Variants in FAT3 observed in about 807,000 individuals in gnomAD.
FAT3 encodes the protein FAT atypical cadherin 3.
In FAT3, 95 loss-of-function variants were observed where a neutral mutation model predicts 310.2. The observed-to-expected ratio is 0.31, with a 90% CI of 0.26 to 0.36. The LOEUF (loss-of-function observed/expected upper bound fraction) is 0.36. Ranked by LOEUF, FAT3 falls within the 10% of genes least tolerant of loss-of-function variation. FAT3 has a pLI of 1.00. For synonymous variants in FAT3, 2,314 were observed against 2,192.9 expected, an observed-to-expected ratio of 1.06 and a Z score of -1.54; for missense variants, 5,408 against 5,715.6, an observed-to-expected ratio of 0.95 and a Z score of 1.74.
intron 2 of FAT3, among the ~76,000 whole-genome samples, chr11:92,482,703 T>C (rs999245704): frequency 3.9e-5 from 6 of 152,264 alleles, no homozygotes; most frequent in Middle Eastern, 6.8e-3. Flanking sequence ...ACCTCTTCCT[T>C]TGCCCTCATG....
intron 4 of FAT3, among the ~76,000 whole-genome samples, chr11:92,760,613 T>C (rs1946124178): frequency 6.6e-6 from 1 of 152,224 alleles, no homozygotes. Context: ...TTATTAACAA[T>C]GATCTGTTTT....
intron 1 of FAT3, among the ~76,000 whole-genome samples, chr11:92,347,994 T>C (rs1948460714): frequency 2.6e-5 from 4 of 152,194 alleles, no homozygotes; most frequent in Admixed American, 1.3e-4. Context: ...TGTCTTGGCA[T>C]GCTAAAAAGA....
chr11:92,398,645 C>G (rs1759722646), intron 2 of FAT3, among the ~76,000 whole-genome samples: 1 of 151,896 alleles, frequency 6.6e-6, no homozygotes, highest in Admixed American at 6.6e-5. Context: ...CTGACATATA[C>G]TTGGGTGGGG....
chr11:92,727,405 G>A (rs1346634859), intron 4 of FAT3, among the ~76,000 whole-genome samples: 1 of 151,660 alleles, frequency 6.6e-6, no homozygotes. Flanking sequence ...TTAAGTAAAA[G>A]TGACATAAAT....
At position 92,798,643 on chromosome 11, in the gene FAT3, A is replaced by G. The variant is rs1325771169; in HGVS notation, c.5630A>G (p.Asn1877Ser). 4 of 1,613,730 alleles carry G rather than the reference A, an allele frequency of 2.5e-6. No homozygotes were observed. Among genetic ancestry groups the G allele is most frequent in the Non-Finnish European group, 3.4e-6 (4 of 1,179,832 alleles). Residue 1877 changes from asparagine to serine, a missense_variant, in exon 10 of 28, where the codon AAT becomes AGT. Around this residue, in one of 5 missense-constraint regions of FAT3, gnomAD observed 4,588 missense variants for 4,809.8 expected, o/e 0.95. Coordinates refer to ENST00000525166, the MANE Select transcript of FAT3 (RefSeq NM_001367949.2). The stretch of plus-strand genomic sequence containing the variant: ...GTCAACATTGAGGTGACAGATGTGA[A>G]TGATAACCCACCTGTTTTTACTCAG... ...VEVNIEVTDV[N>S]DNPPVFTQAV...
At chr11:92,430,868 C>T (rs1207945873) in intron 2 of FAT3, among the ~76,000 whole-genome samples, 1 of 152,118 alleles carries the variant, frequency 6.6e-6, no homozygotes, top group African/African-American at 2.4e-5. Context: ...GCATAGTATT[C>T]CATGGTGTAT....
intron 2 of FAT3, among the ~76,000 whole-genome samples, chr11:92,422,168 T>A (rs1331926072): frequency 1.3e-5 from 2 of 152,136 alleles, no homozygotes; most frequent in Admixed American, 1.3e-4. Flanking sequence ...TTGGAGTACA[T>A]CTAGTTCTCC....
chr11:92,826,291 A>G (rs1948103500), intron 13 of FAT3, among the ~76,000 whole-genome samples: 1 of 152,264 alleles, frequency 6.6e-6, no homozygotes. Context: ...TAATTCTTAC[A>G]GTTTAAATAA....
intron 1 of FAT3, among the ~76,000 whole-genome samples, chr11:92,280,321 G>A (rs1413856205): frequency 6.6e-6 from 1 of 152,012 alleles, no homozygotes; most frequent in Non-Finnish European, 1.5e-5. Flanking sequence ...AGGCCTGGAT[G>A]TAGGGGTTTG....
chr11:92,570,492 G>A (rs568015424), intron 3 of FAT3, among the ~76,000 whole-genome samples: 1 of 152,026 alleles, frequency 6.6e-6, no homozygotes, highest in Non-Finnish European at 1.5e-5. Context: ...AGAGAACAGT[G>A]GAATGGGCCC....
intron 2 of FAT3, among the ~76,000 whole-genome samples, chr11:92,495,014 T>C (rs1952712913): frequency 6.6e-6 from 1 of 152,062 alleles, no homozygotes; most frequent in South Asian, 2.1e-4. Context: ...TTAGCAGATA[T>C]ACATACTGAT....
At chr11:92,648,059 G>A (rs1400394031) in intron 3 of FAT3, among the ~76,000 whole-genome samples, 1 of 152,178 alleles carries the variant, frequency 6.6e-6, no homozygotes, top group African/African-American at 2.4e-5. Context: ...CATGAGGAAA[G>A]TGGTCAAGGA....
chr11:92,248,777 T>C (rs1417082619), intron 1 of FAT3, among the ~76,000 whole-genome samples: 1 of 152,110 alleles, frequency 6.6e-6, no homozygotes, highest in Non-Finnish European at 1.5e-5. Flanking sequence ...TAGTAAGGCA[T>C]ATAGTTTCTG....
At chr11:92,234,963 T>C (rs1163185659) in intron 1 of FAT3, among the ~76,000 whole-genome samples, 2 of 151,168 alleles carry the variant, frequency 1.3e-5, no homozygotes, top group African/African-American at 2.4e-5. Context: ...CCCAGCTACT[T>C]GGGAAGCTGA....
intron 1 of FAT3, among the ~76,000 whole-genome samples, chr11:92,339,234 C>T (rs1198106087): frequency 6.6e-6 from 1 of 152,184 alleles, no homozygotes; most frequent in Non-Finnish European, 1.5e-5. Context: ...CCTATACCCA[C>T]TAGATGCCTG....
In FAT3 at chr11:92,801,693, G is replaced by T. The variant is rs376253670; in HGVS notation, c.8680G>T (p.Val2894Leu). 4.8e-5 allele frequency: 77 copies of T among 1,613,818 alleles called. No individual in the cohort carries two copies. The highest frequency in any genetic ancestry group is 1.3e-4 in the Admixed American group (8 of 59,990). ...ETDPTFTFSV[V>L]ASDLGEAFSL... ...AGACCCCACATTCACCTTCTCTGTGGTGGCCTCTGACCTTGGAGAGGCATT... is the reference window on the plus strand; with the variant it reads ...AGACCCCACATTCACCTTCTCTGTGTTGGCCTCTGACCTTGGAGAGGCATT... The change falls in exon 10 of 28, where the codon GTG becomes TTG. Residue 2894 changes from valine (V) to leucine (L), a missense_variant. This residue lies in a region of FAT3 where 4,588 missense variants were observed against 4,809.8 expected (regional missense o/e 0.95). Coordinates refer to ENST00000525166, the MANE Select transcript of FAT3 (RefSeq NM_001367949.2).
At chr11:92,257,011 T>C (rs1162861912) in intron 1 of FAT3, among the ~76,000 whole-genome samples, 2 of 152,072 alleles carry the variant, frequency 1.3e-5, no homozygotes, top group Admixed American at 6.6e-5. Context: ...CCTTACTGAA[T>C]TTTTGAGGGT....
chr11:92,657,011 A>G (rs989547995), intron 3 of FAT3, among the ~76,000 whole-genome samples: 1 of 152,220 alleles, frequency 6.6e-6, no homozygotes, highest in Non-Finnish European at 1.5e-5. Context: ...GCTGTGGCAC[A>G]AAAGAAAATG....
intron 1 of FAT3, among the ~76,000 whole-genome samples, chr11:92,238,209 G>T (rs1864517450): frequency 6.6e-6 from 1 of 152,118 alleles, no homozygotes; most frequent in Admixed American, 6.6e-5. Context: ...GTATCAGGTG[G>T]ATTTCTTTGA....
Sources: gnomAD v4.1 joint callset for allele counts (sites outside exome capture counted in the v4.1 genomes callset) on GRCh38, gnomAD v4.1.1 for gene constraint, gnomAD v4.1.1 regional missense constraint, MANE v1.5 for transcripts, NCBI Gene and HGNC (gene_info 2026-07-23, HGNC 2026-07-21) for gene names.